BAZ2B: variants seen among roughly 807,000 people sequenced by gnomAD.
BAZ2B encodes the protein bromodomain adjacent to zinc finger domain 2B.
In BAZ2B, 91 loss-of-function variants were observed where a neutral mutation model predicts 246.0. The observed-to-expected ratio is 0.37, with a 90% CI of 0.31 to 0.44. The LOEUF is 0.44. Among genes scored for constraint, BAZ2B ranks in the 20% least tolerant of loss-of-function variants. The pLI is 1.00. For missense variants in BAZ2B, 2,332 were observed against 2,533.7 expected, an observed-to-expected ratio of 0.92 and a Z score of 1.71; for synonymous variants, 855 against 860.0, an observed-to-expected ratio of 0.99 and a Z score of 0.10.
At chr2:159,610,744 T>G (rs192543429) in intron 1 of BAZ2B, among the ~76,000 whole-genome samples, 109 of 152,314 alleles carry the variant, frequency 7.2e-4, no homozygotes, top group African/African-American at 2.4e-3. Context: ...TTATAAAAAC[T>G]ATTTTTAAAG....
chr2:159,689,858 G>C, the BAZ2B span: 1 of 465,790 alleles, frequency 2.1e-6, no homozygotes, highest in African/African-American at 2.1e-5. Flanking sequence ...CTGGTACTGA[G>C]CATAAGAGGT....
intron 2 of BAZ2B, among the ~76,000 whole-genome samples, chr2:159,507,004 G>A (rs1158225821): frequency 1.3e-5 from 2 of 152,130 alleles, no homozygotes; most frequent in Non-Finnish European, 2.9e-5. Context: ...TCAGTGTCAG[G>A]TGCAATACTT....
At chr2:159,370,299 C>A (rs377727404) in intron 27 of BAZ2B, among the ~76,000 whole-genome samples, 1 of 150,614 alleles carries the variant, frequency 6.6e-6, no homozygotes, top group Non-Finnish European at 1.5e-5. Flanking sequence ...TGCACATGTA[C>A]CCTAGAACTT....
At chr2:159,571,125 A>G (rs1249581999) in intron 1 of BAZ2B, among the ~76,000 whole-genome samples, 1 of 152,192 alleles carries the variant, frequency 6.6e-6, no homozygotes, top group Non-Finnish European at 1.5e-5. Context: ...AAGTGCTGGG[A>G]TTATAGGCAC....
intron 13 of BAZ2B, among the ~76,000 whole-genome samples, chr2:159,416,994 T>C (rs1282363521): frequency 6.6e-6 from 1 of 152,188 alleles, no homozygotes; most frequent in Non-Finnish European, 1.5e-5. Context: ...TCACATGCCA[T>C]TGGCTTTTTA....
chr2:159,433,578 T>A, intron 8 of BAZ2B: 1 of 428,672 alleles, frequency 2.3e-6, no homozygotes, highest in Non-Finnish European at 4.0e-6. Context: ...TTTTCCCCAT[T>A]AAAAATTATA....
At chr2:159,633,738 C>CTTTTTT in the BAZ2B span, among the ~76,000 whole-genome samples, 1 of 120,284 alleles carries the variant, frequency 8.3e-6, no homozygotes, top group African/African-American at 3.1e-5. Context: ...TCACTTTATT[C>CTTTTTT]TTTTTTTTTT....
chr2:159,620,085 T>C (rs1022929995), upstream of BAZ2B, among the ~76,000 whole-genome samples: 2 of 152,224 alleles, frequency 1.3e-5, no homozygotes, highest in Admixed American at 1.3e-4. Flanking sequence ...TAAAGCAGCA[T>C]CTGTTTTTAC....
At chr2:159,679,617 C>G in the BAZ2B span, among the ~76,000 whole-genome samples, 6 of 152,118 alleles carry the variant, frequency 3.9e-5, no homozygotes, top group Non-Finnish European at 7.4e-5. Flanking sequence ...GAAAATGTAA[C>G]TTCCAAAAAA....
chr2:159,656,545 T>C, the BAZ2B span, among the ~76,000 whole-genome samples: 1 of 152,166 alleles, frequency 6.6e-6, no homozygotes, highest in Non-Finnish European at 1.5e-5. Flanking sequence ...ATTGTCTCCA[T>C]AGATTTACCT....
intron 14 of BAZ2B, among the ~76,000 whole-genome samples, chr2:159,410,581 C>T (rs1019918247): frequency 1.3e-5 from 2 of 152,194 alleles, no homozygotes; most frequent in Non-Finnish European, 2.9e-5. Context: ...CCCAGCCATG[C>T]GAAACTGTGA....
chr2:159,367,701 C>G (rs139737972), intron 27 of BAZ2B, among the ~76,000 whole-genome samples: 2,120 of 152,042 alleles, frequency 0.014, 37 homozygotes, highest in Middle Eastern at 0.071. Flanking sequence ...CTGGCTAACA[C>G]AGTGAAACCC....
At chr2:159,632,914 G>A in the BAZ2B span, among the ~76,000 whole-genome samples, 2 of 152,166 alleles carry the variant, frequency 1.3e-5, no homozygotes, top group Non-Finnish European at 2.9e-5. Flanking sequence ...ATGCATGTCA[G>A]AATTGCATTT....
chr2:159,581,288 A>C (rs1180730329), intron 1 of BAZ2B, among the ~76,000 whole-genome samples: 1 of 152,238 alleles, frequency 6.6e-6, no homozygotes, highest in Non-Finnish European at 1.5e-5. Flanking sequence ...TCTCAAAAGA[A>C]GACATTTATG....
At chr2:159,657,021 G>A in the BAZ2B span, among the ~76,000 whole-genome samples, 1 of 151,596 alleles carries the variant, frequency 6.6e-6, no homozygotes, top group South Asian at 2.1e-4. Context: ...TTTCTTTTAT[G>A]GAGTATATGC....
intron 31 of BAZ2B, among the ~76,000 whole-genome samples, chr2:159,338,724 T>G (rs533215972): frequency 1.3e-5 from 2 of 152,354 alleles, no homozygotes; most frequent in African/African-American, 4.8e-5. Flanking sequence ...CCAATCCTCG[T>G]GCTCTGCTCA....
the BAZ2B span, among the ~76,000 whole-genome samples, chr2:159,629,990 CT>C: frequency 1.3e-5 from 2 of 151,752 alleles, no homozygotes; most frequent in Non-Finnish European, 1.5e-5. Context: ...TATTTTTTAA[CT>C]GAAAGGATAA....
Position 159,373,178 on chromosome 2 carries a change from C to G in BAZ2B, c.4080G>C (p.Gln1360His), listed in dbSNP as rs1261694002. The change falls in exon 27 of 37, where the codon CAG becomes CAC. Residue 1360 changes from glutamine to histidine, a missense_variant. Gln to His is a conservative substitution (Grantham distance 24). Around this residue, in one of 9 missense-constraint regions of BAZ2B, gnomAD observed 676 missense variants for 668.6 expected, o/e 1.01. Transcript: ENST00000392783. ...ACGCATCAAAGAGCTTCCTTCTGTA[C>G]TGACTCTGTTGCTGTTAAAAAAATG... ...QIEKLSKQQS[Q>H]YRRKLFDASH... 6 of 1,609,988 alleles carry G rather than the reference C, an allele frequency of 3.7e-6. No individual in the cohort carries two copies. In the African/African-American group the frequency reaches 6.7e-5, roughly 18 times the overall value.
chr2:159,630,594 C>G, the BAZ2B span, among the ~76,000 whole-genome samples: 1 of 150,304 alleles, frequency 6.7e-6, no homozygotes, highest in Non-Finnish European at 1.5e-5. Context: ...AGTGCAGTGG[C>G]GCAATCTCGG....
Sources: allele counts gnomAD v4.1 joint callset (sites outside exome capture counted in the v4.1 genomes callset), GRCh38; gene constraint gnomAD v4.1.1; regional missense constraint gnomAD v4.1.1; transcripts MANE v1.5; gene names NCBI Gene and HGNC (gene_info 2026-07-23, HGNC 2026-07-21).